Variants in AKAP9 observed in about 807,000 individuals in gnomAD.
The protein encoded by AKAP9 is A-kinase anchor protein 9.
A neutral mutation model predicts 488.5 loss-of-function variants in AKAP9; 311 were observed. That is an observed-to-expected ratio of 0.64 (90% CI 0.58 to 0.70). The LOEUF (loss-of-function observed/expected upper bound fraction) is 0.70. Ranked by LOEUF, AKAP9 falls within the 30% of genes least tolerant of loss-of-function variation. The pLI, the probability that AKAP9 is intolerant of heterozygous loss-of-function variation, is 0.00. For missense variants in AKAP9, 4,215 were observed against 4,374.5 expected, an observed-to-expected ratio of 0.96 and a Z score of 1.03; for synonymous variants, 1,462 against 1,483.5, an observed-to-expected ratio of 0.99 and a Z score of 0.33.
intron 1 of AKAP9, among the ~76,000 whole-genome samples, chr7:91,954,597 G>A (rs1188977511): frequency 1.3e-5 from 2 of 152,122 alleles, no homozygotes; most frequent in African/African-American, 4.8e-5. Flanking sequence ...AAGAAAGAAG[G>A]GGAAAATAAA....
rs1799300857 is a variant in AKAP9, at chr7:92,002,538, T to C, written c.2621T>C (p.Val874Ala). ...GAGGAGTATGCTTGCCTTCTCAAAGTAAAAGATGATTTAGAAGACAGTAAA... is the reference window on the plus strand; with the variant it reads ...GAGGAGTATGCTTGCCTTCTCAAAGCAAAAGATGATTTAGAAGACAGTAAA... ...LQEEYACLLK[V>A]KDDLEDSKNK... The change falls in exon 8 of 50, where the codon GTA (valine) becomes GCA (alanine). Residue 874 changes from valine to alanine, a missense_variant. Val to Ala is a moderately conservative substitution (Grantham distance 64). Around this residue, in one of 5 missense-constraint regions of AKAP9, gnomAD observed 2,361 missense variants for 2,430.0 expected, o/e 0.97. Transcript: ENST00000356239. The C allele has an allele frequency of 6.2e-7, 1 of 1,610,260 alleles. No homozygotes were observed. The highest frequency in any genetic ancestry group is 8.5e-7 in the Non-Finnish European group (1 of 1,178,442).
At chr7:92,101,436 CAA>C (rs34162437) in intron 45 of AKAP9, among the ~76,000 whole-genome samples, 5,234 of 131,798 alleles carry the variant, frequency 0.04, 259 homozygotes, top group African/African-American at 0.13. Context: ...GACTCCGTCT[CAA>C]AAAAAAAAAA....
At position 92,062,197 on chromosome 7, in the gene AKAP9, T is replaced by A. The variant is rs538584075; in HGVS notation, c.5765-77T>A. On this transcript the variant is annotated intron_variant, in intron 23 of 49. Transcript: ENST00000356239. ...GAAAGTTTTGCTAACAGTATACCTTTTGTTGTTTATATTAAAACCTAGTGG... is the reference window on the plus strand; with the variant it reads ...GAAAGTTTTGCTAACAGTATACCTTATGTTGTTTATATTAAAACCTAGTGG... 7 of 1,324,660 alleles carry A rather than the reference T, an allele frequency of 5.3e-6. No homozygotes were observed. In the East Asian group the frequency reaches 1.6e-4, roughly 31 times the overall value. The allele number at this position is 1,324,660 out of a possible 1,614,324, so 82.1% of individuals were successfully genotyped here.
At chr7:91,992,312 G>A in intron 4 of AKAP9, 101 bp downstream of exon 4, 2 of 878,952 alleles carry the variant, frequency 2.3e-6, no homozygotes, top group Non-Finnish European at 3.8e-6. Flanking sequence ...CTTTCTGTGT[G>A]TGATTTCAAA....
At chr7:91,998,416 C>CTGTTTT (rs1554402644) in intron 7 of AKAP9, among the ~76,000 whole-genome samples, 1 of 57,354 alleles carries the variant, frequency 1.7e-5, no homozygotes, top group Non-Finnish European at 4.1e-5. Flanking sequence ...AACCACAGGG[C>CTGTTTT]TCTTTTTTTT....
In AKAP9 at chr7:92,038,442, A is replaced by G. The variant is rs1047659808; in HGVS notation, c.4362A>G (p.Ala1454=). 1.9e-6 allele frequency: 3 copies of G among 1,613,470 alleles called. No individual in the cohort carries two copies. The African/African-American group carries it at 4.0e-5, about 22-fold the overall frequency. ...AGGTTATTGTGTCAATGAGTATAGC[A>G]TTTGCTCAACAAACTGAACTGTCTA... ...VAKVIVSMSI[A]FAQQTELSRI... is the part of the protein sequence containing the mutation. The change falls in exon 17 of 50, where the codon GCA becomes GCG. Residue 1454 remains alanine, a synonymous_variant. Transcript: ENST00000356239.
chr7:91,976,810 A>G (rs1485535569), intron 2 of AKAP9, among the ~76,000 whole-genome samples: 1 of 151,964 alleles, frequency 6.6e-6, no homozygotes, highest in Non-Finnish European at 1.5e-5. Context: ...TTCCTTTTCA[A>G]TTCCAGAATT....
At chr7:92,013,878 T>A (rs59309628) in intron 9 of AKAP9, among the ~76,000 whole-genome samples, 59,180 of 147,436 alleles carry the variant, frequency 0.4, 11,916 homozygotes, top group African/African-American at 0.47. Context: ...TCAACATTTT[T>A]AAAAAAAAAA....
chr7:92,027,351 C>T (rs1178120339), intron 14 of AKAP9, among the ~76,000 whole-genome samples: 1 of 143,332 alleles, frequency 7.0e-6, no homozygotes, highest in Non-Finnish European at 1.5e-5. Flanking sequence ...AGCGCCTCTG[C>T]CCGGCCGCCT....
At chr7:91,996,505 C>G (rs1418170527) in intron 7 of AKAP9, among the ~76,000 whole-genome samples, 2 of 152,098 alleles carry the variant, frequency 1.3e-5, no homozygotes, top group Admixed American at 1.3e-4. Context: ...ACTGCACTAC[C>G]TCGGGTCCTC....
intron 2 of AKAP9, among the ~76,000 whole-genome samples, chr7:91,978,250 A>T (rs930898590): frequency 1.3e-5 from 2 of 151,942 alleles, no homozygotes; most frequent in African/African-American, 4.8e-5. Context: ...TCAAAAAAAA[A>T]AAAAAAAAAA....
At position 92,031,557 on chromosome 7, in the gene AKAP9, T is replaced by C. The variant is rs774587200; in HGVS notation, c.4291T>C (p.Leu1431=). Residue 1431 remains leucine, a synonymous_variant, in exon 16 of 50, where the codon TTG becomes CTG. Coordinates refer to ENST00000356239, the MANE Select transcript of AKAP9 (RefSeq NM_005751.5). ...GVKEETNIVK[L]LEKQYQEQLE... is the part of the protein sequence containing the mutation. Reference sequence around the variant, plus strand: ...GAAAGAGGAAACAAATATCGTTAAGTTGCTTGAAAAACAATACCAAGAACA... The same window carrying C: ...GAAAGAGGAAACAAATATCGTTAAGCTGCTTGAAAAACAATACCAAGAACA... 5 of 1,612,848 alleles carry C rather than the reference T, an allele frequency of 3.1e-6. No individual in the cohort carries two copies. The highest frequency in any genetic ancestry group is 4.2e-6 in the Non-Finnish European group (5 of 1,179,254).
At chr7:92,101,401 C>G (rs1203613873) in intron 45 of AKAP9, among the ~76,000 whole-genome samples, 2 of 150,600 alleles carry the variant, frequency 1.3e-5, no homozygotes, top group Non-Finnish European at 1.5e-5. Context: ...CGCGCCACTG[C>G]ACTCCAGCCT....
In AKAP9 at chr7:92,042,670, T is replaced by A. The variant is rs1274262352; in HGVS notation, c.5061T>A (p.Asn1687Lys). The A allele has an allele frequency of 1.2e-6, 2 of 1,605,860 alleles. No individual in the cohort carries two copies. Reference sequence around the variant, plus strand: ...TTCCTTTACACAAACTTAAACAGAATGGAAATGAAAACCAAGGAGAAGTTG... The same window carrying A: ...TTCCTTTACACAAACTTAAACAGAAAGGAAATGAAAACCAAGGAGAAGTTG... ...ELRNSSTQTQNGNENQGEVEE... is the reference protein window; with the variant it reads ...ELRNSSTQTQKGNENQGEVEE... The change falls in exon 20 of 50, where the codon AAT becomes AAA. Residue 1687 changes from asparagine to lysine, a missense_variant and splice_region_variant. By Grantham distance (94) the Asn-to-Lys change is moderately conservative. Transcript: ENST00000356239.
At chr7:92,055,408 C>G (rs116745409) in intron 22 of AKAP9, among the ~76,000 whole-genome samples, 36 of 152,144 alleles carry the variant, frequency 2.4e-4, no homozygotes, top group African/African-American at 8.7e-4. Flanking sequence ...GTTATAGGCC[C>G]TCTGTGAAAT....
rs1198428381 is a variant in AKAP9 at position 92,077,825 on chromosome 7, G to C, written c.6895G>C (p.Glu2299Gln). ...EKEVEIDQLN[E>Q]QVTKLQQQLK... Reference sequence around the variant, plus strand: ...AGAGGTAGAAATTGACCAATTAAATGAACAAGTTACGAAACTCCAGCAGCA... The same window carrying C: ...AGAGGTAGAAATTGACCAATTAAATCAACAAGTTACGAAACTCCAGCAGCA... Residue 2299 changes from glutamate (E) to glutamine (Q), a missense_variant, in exon 30 of 50, where the codon GAA becomes CAA. Glu to Gln is a conservative substitution (Grantham distance 29, BLOSUM62 2). Coordinates refer to ENST00000356239, the MANE Select transcript of AKAP9 (RefSeq NM_005751.5). The C allele has an allele frequency of 1.3e-5, 21 of 1,613,496 alleles. No homozygotes were observed. Among genetic ancestry groups the C allele is most frequent in the Non-Finnish European group, 1.7e-5 (20 of 1,179,852 alleles).
rs11443810 is a variant in AKAP9 at position 91,946,395 on chromosome 7, C to CTTT, written c.48+5259_48+5261dup. ...TTAAAACTAATTCATAACCTTCAGGCTTTTTTTTTTTTTGAGACGAGATCT... is the reference window on the plus strand; with the variant it reads ...TTAAAACTAATTCATAACCTTCAGGCTTTTTTTTTTTTTTTTGAGACGAGATCT... On this transcript the variant is annotated intron_variant, in intron 1 of 49. Transcript: ENST00000356239. Among the ~76,000 whole-genome samples, 6 of 145,452 alleles carry CTTT rather than the reference C, an allele frequency of 4.1e-5. 1 individual carries two copies. Among genetic ancestry groups the CTTT allele is most frequent in the African/African-American group, 1.0e-4 (4 of 39,602 alleles).
Position 92,016,919 on chromosome 7 carries a change from C to T in AKAP9, c.3752-98C>T, listed in dbSNP as rs1584135747. On this transcript the variant is annotated intron_variant, in intron 11 of 49. Coordinates refer to ENST00000356239, the MANE Select transcript of AKAP9 (RefSeq NM_005751.5). The stretch of plus-strand genomic sequence containing the variant: ...ATATCTGAGGTTTACTTCTAGCAGG[C>T]AATTTTTTTAAGTTATAAATAGGTG... 1.7e-5 allele frequency: 15 copies of T among 907,508 alleles called. No homozygotes were observed. In the East Asian group the frequency reaches 3.5e-4, roughly 21 times the overall value. 56.2% of individuals were successfully genotyped at this position (907,508 alleles called of 1,614,324 possible). A position where few individuals can be genotyped will look rare whatever the true frequency, so the allele number is the denominator to read the frequency against.
Position 91,994,737 on chromosome 7 carries a change from G to T in AKAP9, c.693G>T (p.Leu231Phe). ...AGACAATGAGAGAATTTTTAGAGTTGACAGAACAGAGTCAAAAATTACAGA... is the reference window on the plus strand; with the variant it reads ...AGACAATGAGAGAATTTTTAGAGTTTACAGAACAGAGTCAAAAATTACAGA... ...KDETMREFLE[L>F]TEQSQKLQIQ... Residue 231 changes from leucine (L) to phenylalanine (F), a missense_variant, in exon 6 of 50, where the codon TTG becomes TTT. Physicochemically the swap from Leu to Phe is conservative, Grantham distance 22. Transcript: ENST00000356239. 1 of 1,612,414 alleles carries T rather than the reference G, an allele frequency of 6.2e-7. No individual in the cohort carries two copies. Among genetic ancestry groups the T allele is most frequent in the South Asian group, 1.1e-5 (1 of 90,482 alleles).
Sources: allele counts gnomAD v4.1 joint callset (sites outside exome capture counted in the v4.1 genomes callset), GRCh38; gene constraint gnomAD v4.1.1; regional missense constraint gnomAD v4.1.1; transcripts MANE v1.5; gene names NCBI Gene and HGNC (gene_info 2026-07-23, HGNC 2026-07-21).